The following MCC variants were observed in gnomAD, a reference collection of about 807,000 sequenced individuals.
The protein encoded by MCC is MCC regulator of Wnt signaling pathway, also known as colorectal mutant cancer protein.
Under a neutral mutation model 116.2 loss-of-function variants are expected in MCC, and 90 were observed. The observed-to-expected ratio is 0.77, with a 90% CI of 0.65 to 0.92. The LOEUF is 0.92. MCC is among the 40% of genes least tolerant of loss of function. MCC has a pLI of 0.00. For synonymous variants in MCC, 578 were observed against 510.5 expected (o/e 1.13, Z -1.78); for missense variants, 1,516 against 1,312.2 (o/e 1.16, Z -2.40).
intron 16 of MCC, 83 bp downstream of exon 16, chr5:113,049,010 C>T (rs773376499): frequency 7.0e-6 from 9 of 1,293,214 alleles, no homozygotes; most frequent in East Asian, 2.3e-5. Context: ...GGCAGCAGGG[C>T]GGTGAGGTGT....
chr5:113,440,149 G>T (rs1396170474), intron 1 of MCC, among the ~76,000 whole-genome samples: 1 of 152,170 alleles, frequency 6.6e-6, no homozygotes, highest in Non-Finnish European at 1.5e-5. Context: ...CTATGAAAGT[G>T]CCCTTACTGG....
chr5:113,132,425 T>TATATATATATATACAC (rs1561384989), intron 5 of MCC, among the ~76,000 whole-genome samples: 6 of 17,540 alleles, frequency 3.4e-4, no homozygotes, highest in South Asian at 4.7e-3. Flanking sequence ...TATACACACA[T>TATATATATATATACAC]ACATATATAT....
At chr5:113,066,067 T>G (rs569079731) in intron 13 of MCC, among the ~76,000 whole-genome samples, 68 of 152,386 alleles carry the variant, frequency 4.5e-4, no homozygotes, top group African/African-American at 1.6e-3. Flanking sequence ...ATGACATTAC[T>G]TACTGGCTCA....
chr5:113,190,645 TG>T (rs1163262377), intron 3 of MCC, among the ~76,000 whole-genome samples: 1 of 151,180 alleles, frequency 6.6e-6, no homozygotes, highest in African/African-American at 2.4e-5. Flanking sequence ...TAGAATGGGG[TG>T]GGGTGAAGAG....
intron 11 of MCC, among the ~76,000 whole-genome samples, chr5:113,082,480 T>A (rs1034935566): frequency 6.6e-6 from 1 of 152,240 alleles, no homozygotes; most frequent in African/African-American, 2.4e-5. Context: ...CAGCCACCTG[T>A]GACCTACTTG....
intron 2 of MCC, among the ~76,000 whole-genome samples, chr5:113,361,634 C>T (rs1768550498): frequency 6.6e-6 from 1 of 152,120 alleles, no homozygotes; most frequent in Non-Finnish European, 1.5e-5. Flanking sequence ...AACATTATTT[C>T]CAGGTATGCC....
chr5:113,065,907 T>G (rs928008493), intron 13 of MCC, among the ~76,000 whole-genome samples: 2 of 152,082 alleles, frequency 1.3e-5, no homozygotes, highest in Non-Finnish European at 2.9e-5. Flanking sequence ...CTATGGAGAG[T>G]GGGCAGGAAA....
intron 1 of MCC, among the ~76,000 whole-genome samples, chr5:113,468,677 C>G (rs1229923097): frequency 6.6e-6 from 1 of 152,166 alleles, no homozygotes; most frequent in African/African-American, 2.4e-5. Flanking sequence ...GCTTTGGTAT[C>G]AAGATGATGC....
chr5:113,389,596 AT>A (rs1769355387), intron 1 of MCC, among the ~76,000 whole-genome samples: 1 of 151,896 alleles, frequency 6.6e-6, no homozygotes, highest in South Asian at 2.1e-4. Flanking sequence ...CTTAACTTTG[AT>A]TTCTTTCTCT....
At chr5:113,447,042 C>T (rs1486574200) in intron 1 of MCC, among the ~76,000 whole-genome samples, 5 of 152,156 alleles carry the variant, frequency 3.3e-5, no homozygotes, top group African/African-American at 1.2e-4. Context: ...TTGACCCTTT[C>T]TCCCTGAGGT....
chr5:113,299,535 G>C (rs1766805678), intron 3 of MCC, among the ~76,000 whole-genome samples: 1 of 152,002 alleles, frequency 6.6e-6, no homozygotes, highest in South Asian at 2.1e-4. Context: ...AATATTATAA[G>C]AACGTTAGAA....
chr5:113,049,105 G>A lies in MCC; in HGVS notation c.2643C>T (p.Asp881=), dbSNP rs6594664. Residue 881 remains aspartate (D), a synonymous_variant, in exon 16 of 19, where the codon GAC becomes GAT. Transcript: ENST00000408903. ...ACTCCGGCCCTACCTTGCCAGGTTT[G>A]TCTTTGCTGCCGCTGCTGGTGGAGC... ...SLSSTSSGSK[D]KPGKECADAA... is the part of the protein sequence containing the mutation. The A allele has an allele frequency of 0.95, 1,541,270 of 1,614,016 alleles. 740,784 individuals carry two copies. The highest frequency in any genetic ancestry group is 0.99 in the South Asian group (89,744 of 91,082).
chr5:113,372,291 T>C (rs1768854273), intron 2 of MCC, among the ~76,000 whole-genome samples: 1 of 152,282 alleles, frequency 6.6e-6, no homozygotes, highest in Non-Finnish European at 1.5e-5. Context: ...CAGCACCAAA[T>C]AGTGTGAAAC....
rs377725825 is a variant in MCC at position 113,171,298 on chromosome 5, G to C, written c.628-19876C>G. Among the ~76,000 whole-genome samples, 64 of 151,470 alleles carry C rather than the reference G, an allele frequency of 4.2e-4. 1 individual carries two copies. In the South Asian group the frequency reaches 7.6e-3, roughly 18 times the overall value. ...CTGCCCCAAAATGTATTAAGCTTCAGTCGGGCAATTACCTAACAAGGGCAA... is the reference window on the plus strand; with the variant it reads ...CTGCCCCAAAATGTATTAAGCTTCACTCGGGCAATTACCTAACAAGGGCAA... On this transcript the variant is annotated intron_variant, in intron 3 of 18. Coordinates refer to ENST00000408903, the MANE Select transcript of MCC (RefSeq NM_001085377.2).
rs917231193 is a variant in MCC at position 113,048,979 on chromosome 5, C to T, written c.2655+114G>A. 3.7e-5 allele frequency: 36 copies of T among 965,060 alleles called. No homozygotes were observed. The Admixed American group carries it at 5.3e-4, about 14-fold the overall frequency. 59.8% of individuals were successfully genotyped at this position (965,060 alleles called of 1,614,324 possible). A position where few individuals can be genotyped will look rare whatever the true frequency, so the allele number is the denominator to read the frequency against. ...GATACCTACGAATGGCCTGCATTTC[C>T]TATGCAAATACAAGAACTGAGGCAG... On this transcript the variant is annotated intron_variant, in intron 16 of 18. Transcript: ENST00000408903.
At chr5:113,441,637 T>C (rs1424586174) in intron 1 of MCC, among the ~76,000 whole-genome samples, 2 of 152,162 alleles carry the variant, frequency 1.3e-5, no homozygotes, top group Non-Finnish European at 2.9e-5. Context: ...TTTCTCCTAA[T>C]ACTATCCCCT....
intron 3 of MCC, among the ~76,000 whole-genome samples, chr5:113,263,616 T>G (rs1346329104): frequency 2.0e-5 from 3 of 152,318 alleles, no homozygotes; most frequent in Non-Finnish European, 2.9e-5. Context: ...GCAAAAAGAC[T>G]GCAATAATTT....
At chr5:113,433,644 G>A in intron 1 of MCC, 1 of 1,429,384 alleles carries the variant, frequency 7.0e-7, no homozygotes, top group Non-Finnish European at 9.4e-7. Context: ...GCTCATCTGG[G>A]ACTGCCTTCC....
intron 1 of MCC, among the ~76,000 whole-genome samples, chr5:113,476,724 G>C (rs1473816568): frequency 1.3e-5 from 2 of 152,220 alleles, no homozygotes; most frequent in African/African-American, 4.8e-5. Context: ...CAGCAAACTA[G>C]TGGTTGCCTA....
Sources: gnomAD v4.1 joint callset for allele counts (sites outside exome capture counted in the v4.1 genomes callset) on GRCh38, gnomAD v4.1.1 for gene constraint, MANE v1.5 for transcripts, NCBI Gene and HGNC (gene_info 2026-07-23, HGNC 2026-07-21) for gene names.